The following FBLN1 variants were observed in gnomAD, a reference collection of about 807,000 sequenced individuals.
FBLN1 encodes fibulin 1, also known as fibulin-1.
FBLN1 carries 34 observed loss-of-function variants against 89.7 expected under a neutral mutation model. That is an observed-to-expected ratio of 0.38 (90% CI 0.29 to 0.50). The LOEUF is 0.50. Among genes scored for constraint, FBLN1 ranks in the 20% least tolerant of loss-of-function variants. The probability of loss-of-function intolerance (pLI) is 0.92; values close to 1 mark genes in which losing one functional copy is unlikely to be tolerated. For missense variants in FBLN1, 777 were observed against 988.1 expected, an observed-to-expected ratio of 0.79 and a Z score of 2.86; for synonymous variants, 393 against 391.3, an observed-to-expected ratio of 1.00 and a Z score of -0.05.
chr22:45,543,456 C>T lies in FBLN1; in HGVS notation c.1251C>T (p.Asn417=), dbSNP rs750059925. 6.2e-7 allele frequency: 1 copy of T among 1,613,856 alleles called. No individual in the cohort carries two copies. The highest frequency in any genetic ancestry group is 8.5e-7 in the Non-Finnish European group (1 of 1,180,006). ...PGRLCGHKCE[N]TLGSYLCSCS... ...GCCTGTGTGGCCACAAGTGCGAGAA[C>T]ACGCTGGGCTCCTACCTCTGCAGCT... Residue 417 remains asparagine (N), a synonymous_variant, in exon 11 of 17, where the codon AAC becomes AAT. Transcript: ENST00000327858.
At chr22:45,596,557 A>G (rs573034434) in intron 16 of FBLN1, among the ~76,000 whole-genome samples, 1 of 129,662 alleles carries the variant, frequency 7.7e-6, no homozygotes, top group South Asian at 2.3e-4. Flanking sequence ...ATATCAACAT[A>G]AGAATATGAT....
chr22:45,572,880 T>C lies in FBLN1; in HGVS notation c.1698-1631T>C, dbSNP rs1437023121. On this transcript the variant is annotated intron_variant, in intron 14 of 16. Transcript: ENST00000327858. This position sits in a 1 kb window ranked among gnomAD's most constrained non-coding sequence, Gnocchi z 5.8. ...GATGCAATCAGCAAAGTCCAGCCTGTAGGAAACACAACAGCTCAAATTCTT... is the reference window on the plus strand; with the variant it reads ...GATGCAATCAGCAAAGTCCAGCCTGCAGGAAACACAACAGCTCAAATTCTT... Among the ~76,000 whole-genome samples, 1 of 152,202 alleles carries C rather than the reference T, an allele frequency of 6.6e-6. No individual in the cohort carries two copies. Among genetic ancestry groups the C allele is most frequent in the Admixed American group, 6.5e-5 (1 of 15,288 alleles).
intron 6 of FBLN1, 49 bp downstream of exon 6, chr22:45,533,213 T>G: frequency 6.5e-7 from 1 of 1,528,062 alleles, no homozygotes; most frequent in Non-Finnish European, 9.1e-7. Flanking sequence ...TCACTGTGCT[T>G]GGGAGCTCTG....
chr22:45,586,640 G>A (rs1279368808), intron 16 of FBLN1, among the ~76,000 whole-genome samples: 1 of 152,190 alleles, frequency 6.6e-6, no homozygotes, highest in African/African-American at 2.4e-5. Flanking sequence ...TGCCTGCTTG[G>A]TCCCCACGGA....
intron 16 of FBLN1, among the ~76,000 whole-genome samples, chr22:45,596,027 G>A (rs956859106): frequency 2.0e-5 from 3 of 152,054 alleles, no homozygotes; most frequent in African/African-American, 7.2e-5. Flanking sequence ...GTCCCACCAC[G>A]CTCGGCTAAT....
Position 45,556,367 on chromosome 22 carries a change from G to A in FBLN1, c.1697+5752G>A, listed in dbSNP as rs1291143702. Among the ~76,000 whole-genome samples, 4 of 152,074 alleles carry A rather than the reference G, an allele frequency of 2.6e-5. No individual in the cohort carries two copies. The highest frequency in any genetic ancestry group is 4.4e-5 in the Non-Finnish European group (3 of 68,028). On this transcript the variant is annotated intron_variant, in intron 14 of 16. Coordinates refer to ENST00000327858, the MANE Select transcript of FBLN1 (RefSeq NM_006486.3). The surrounding 1 kb of genome is among the most constrained non-coding windows in gnomAD (Gnocchi z 4.6). ...GTTTCTGCAACTGGTCACATGGCTC[G>A]TAGCTGGTATTGATGACTGCCTTCT...
intron 16 of FBLN1, among the ~76,000 whole-genome samples, chr22:45,589,082 T>TATAAAAATA (rs1331605814): frequency 3.6e-5 from 4 of 110,622 alleles, no homozygotes; most frequent in East Asian, 3.2e-4. Flanking sequence ...TATAAAAATA[T>TATAAAAATA]TTTTTATATA....
chr22:45,570,579 T>A (rs779718996), intron 14 of FBLN1, among the ~76,000 whole-genome samples: 1 of 150,062 alleles, frequency 6.7e-6, no homozygotes, highest in Non-Finnish European at 1.5e-5. Context: ...TAACAAGAGA[T>A]GAAAGGCTTG....
intron 1 of FBLN1, among the ~76,000 whole-genome samples, chr22:45,510,601 CA>C (rs764994791): frequency 4.6e-5 from 7 of 152,076 alleles, no homozygotes; most frequent in Non-Finnish European, 1.0e-4. Context: ...AGGCATTGCC[CA>C]AAGCTTCTGC....
rs537556633 is a variant in FBLN1 at position 45,518,761 on chromosome 22, A to G, written c.159A>G (p.Pro53=). The change falls in exon 2 of 17, where the codon CCA becomes CCG. Residue 53 remains proline (P), a synonymous_variant. Transcript: ENST00000327858. ...MATHQKDCSL[P]YATESKECRM... The stretch of plus-strand genomic sequence containing the variant: ...CTCATCAGAAGGACTGCTCGCTGCC[A>G]TATGCTACGGAATCCAAAGAATGCA... The G allele has an allele frequency of 1.2e-5, 20 of 1,611,902 alleles. No homozygotes were observed. Among genetic ancestry groups the G allele is most frequent in the Non-Finnish European group, 1.6e-5 (19 of 1,179,168 alleles).
At chr22:45,518,118 A>T (rs1602166969) in intron 1 of FBLN1, among the ~76,000 whole-genome samples, 1 of 121,318 alleles carries the variant, frequency 8.2e-6, no homozygotes, top group African/African-American at 3.4e-5. Flanking sequence ...GGCGACAGAG[A>T]CTCTGTCTCA....
intron 14 of FBLN1, among the ~76,000 whole-genome samples, chr22:45,552,107 C>G (rs940010826): frequency 6.6e-6 from 1 of 152,218 alleles, no homozygotes; most frequent in Non-Finnish European, 1.5e-5. Context: ...TCTTCCTGGA[C>G]CTACTGCGTG....
chr22:45,520,107 T>C (rs4823298), intron 2 of FBLN1, among the ~76,000 whole-genome samples: 58,384 of 151,714 alleles, frequency 0.38, 12,818 homozygotes, highest in East Asian at 0.76. Context: ...GAAGCGGAGG[T>C]TGCAGTGAGC....
At chr22:45,565,261 G>T in intron 14 of FBLN1, 2 of 1,363,920 alleles carry the variant, frequency 1.5e-6, no homozygotes, top group Non-Finnish European at 1.9e-6. Flanking sequence ...TTTCCCAGCA[G>T]ATGAAGCATA....
In FBLN1 at chr22:45,556,676, C is replaced by T. The variant is rs542842575; in HGVS notation, c.1697+6061C>T. ...ATCTTGATAGTCTGGGTCAGCCACCCCAGCCAACACTGTAACTCCCTTCTT... is the reference window on the plus strand; with the variant it reads ...ATCTTGATAGTCTGGGTCAGCCACCTCAGCCAACACTGTAACTCCCTTCTT... On this transcript the variant is annotated intron_variant, in intron 14 of 16. Coordinates refer to ENST00000327858, the MANE Select transcript of FBLN1 (RefSeq NM_006486.3). This position sits in a 1 kb window ranked among gnomAD's most constrained non-coding sequence, Gnocchi z 4.6. 4.1e-4 allele frequency among the ~76,000 whole-genome samples: 63 copies of T among 152,250 alleles called. No homozygotes were observed. Among genetic ancestry groups the T allele is most frequent in the African/African-American group, 1.5e-3 (61 of 41,530 alleles).
intron 16 of FBLN1, among the ~76,000 whole-genome samples, chr22:45,591,718 T>C (rs1569268531): frequency 6.6e-6 from 1 of 152,140 alleles, no homozygotes; most frequent in African/African-American, 2.4e-5. Context: ...TTCTCTCTAA[T>C]TGCTTTCTGC....
chr22:45,527,024 TGAGG>T (rs2088338277), intron 3 of FBLN1, among the ~76,000 whole-genome samples: 3 of 152,044 alleles, frequency 2.0e-5, no homozygotes, highest in Non-Finnish European at 4.4e-5. Context: ...AAAAGATGGA[TGAGG>T]TGACTGATGC....
intron 2 of FBLN1, among the ~76,000 whole-genome samples, chr22:45,520,304 A>C (rs1394890038): frequency 6.6e-6 from 1 of 152,210 alleles, no homozygotes; most frequent in Admixed American, 6.5e-5. Context: ...CCGGTTCCTC[A>C]TAGTTCCGGA....
chr22:45,515,252 G>C (rs2088154363), intron 1 of FBLN1, among the ~76,000 whole-genome samples: 1 of 152,142 alleles, frequency 6.6e-6, no homozygotes, highest in African/African-American at 2.4e-5. Flanking sequence ...GCCTGGCCAT[G>C]GTCCCTGCTT....
Sources: gnomAD v4.1 joint callset for allele counts (sites outside exome capture counted in the v4.1 genomes callset) on GRCh38, gnomAD v4.1.1 for gene constraint, Gnocchi (gnomAD v3.1) non-coding constraint, MANE v1.5 for transcripts, NCBI Gene and HGNC (gene_info 2026-07-23, HGNC 2026-07-21) for gene names.